The following GALNT13 variants were observed in gnomAD, a reference collection of about 807,000 sequenced individuals.
The protein encoded by GALNT13 is polypeptide N-acetylgalactosaminyltransferase 13, also known as UDP-GalNAc:polypeptide N-acetylgalactosaminyltransferase 13.
In GALNT13, 28 loss-of-function variants were observed where a neutral mutation model predicts 64.2. The observed-to-expected ratio is 0.44, with a 90% CI of 0.32 to 0.60. The LOEUF (loss-of-function observed/expected upper bound fraction) is 0.60, where lower values mean the gene tolerates loss of function less well. Ranked by LOEUF, GALNT13 falls within the 20% of genes least tolerant of loss-of-function variation. GALNT13 has a pLI of 0.05. For missense variants in GALNT13, 577 were observed against 669.8 expected, an observed-to-expected ratio of 0.86 and a Z score of 1.53; for synonymous variants, 214 against 224.6, an observed-to-expected ratio of 0.95 and a Z score of 0.42.
At chr2:153,436,471 G>T in the GALNT13 span, among the ~76,000 whole-genome samples, 20 of 152,178 alleles carry the variant, frequency 1.3e-4, no homozygotes, top group South Asian at 3.9e-3. Context: ...ACTTTTTTTG[G>T]TTGGTAAGCT....
the GALNT13 span, among the ~76,000 whole-genome samples, chr2:153,472,315 A>T: frequency 4.0e-4 from 61 of 152,298 alleles, no homozygotes; most frequent in East Asian, 4.8e-3. Context: ...AAATACCAAC[A>T]TGTAGGCTAT....
At chr2:154,122,869 C>T (rs918503961) in intron 3 of GALNT13, among the ~76,000 whole-genome samples, 1 of 151,104 alleles carries the variant, frequency 6.6e-6, no homozygotes, top group African/African-American at 2.4e-5. Context: ...TAAAAGTGTA[C>T]ATTTAGTCAC....
At chr2:153,988,335 C>T (rs62172821) in intron 3 of GALNT13, among the ~76,000 whole-genome samples, 31,017 of 151,864 alleles carry the variant, frequency 0.2, 4,088 homozygotes, top group Middle Eastern at 0.33. Context: ...CTGCTGCCAC[C>T]TGCCCAGCCG....
At chr2:153,948,974 C>A (rs1442422902) in intron 3 of GALNT13, among the ~76,000 whole-genome samples, 1 of 147,360 alleles carries the variant, frequency 6.8e-6, no homozygotes, top group Non-Finnish European at 1.5e-5. Flanking sequence ...CAAACCTGCA[C>A]ATGTGCCCCT....
intron 3 of GALNT13, among the ~76,000 whole-genome samples, chr2:153,949,732 G>T (rs1692030888): frequency 1.3e-5 from 2 of 152,116 alleles, no homozygotes; most frequent in South Asian, 4.1e-4. Flanking sequence ...TATATAATTG[G>T]AACAGAGAAG....
intron 3 of GALNT13, among the ~76,000 whole-genome samples, chr2:153,984,817 G>A (rs1319018697): frequency 6.6e-6 from 1 of 150,404 alleles, no homozygotes; most frequent in Non-Finnish European, 1.5e-5. Context: ...TTTCATTTTG[G>A]ATAGTTTTCA....
At chr2:153,963,044 T>G (rs1369724427) in intron 3 of GALNT13, among the ~76,000 whole-genome samples, 1 of 152,194 alleles carries the variant, frequency 6.6e-6, no homozygotes, top group Non-Finnish European at 1.5e-5. Flanking sequence ...GAAATTTATT[T>G]CTTACACGTT....
chr2:153,076,799 T>C, the GALNT13 span, among the ~76,000 whole-genome samples: 1 of 152,178 alleles, frequency 6.6e-6, no homozygotes, highest in African/African-American at 2.4e-5. Context: ...TTGTGTGTCT[T>C]TTTAAACATC....
the GALNT13 span, among the ~76,000 whole-genome samples, chr2:153,341,505 C>T: frequency 6.6e-6 from 1 of 152,218 alleles, no homozygotes; most frequent in Admixed American, 6.5e-5. Context: ...CTCCTTCTTA[C>T]AGCATATCAA....
the GALNT13 span, among the ~76,000 whole-genome samples, chr2:153,669,460 T>C: frequency 6.6e-6 from 1 of 152,210 alleles, no homozygotes; most frequent in African/African-American, 2.4e-5. Context: ...TGACACACAA[T>C]TTACCTATAA....
chr2:154,162,833 A>G (rs1684811996), intron 4 of GALNT13, among the ~76,000 whole-genome samples: 1 of 152,090 alleles, frequency 6.6e-6, no homozygotes, highest in African/African-American at 2.4e-5. Flanking sequence ...TTTTAAACAT[A>G]TGAATGTATT....
chr2:153,283,123 A>G, the GALNT13 span, among the ~76,000 whole-genome samples: 2 of 152,168 alleles, frequency 1.3e-5, no homozygotes, highest in African/African-American at 4.8e-5. Flanking sequence ...TCTGAGCTCC[A>G]TGCTCAGCCC....
At chr2:153,569,047 T>C in the GALNT13 span, among the ~76,000 whole-genome samples, 2 of 152,188 alleles carry the variant, frequency 1.3e-5, no homozygotes, top group South Asian at 2.1e-4. Context: ...TTCAGGACTA[T>C]TATAAATAGT....
intron 3 of GALNT13, among the ~76,000 whole-genome samples, chr2:153,968,778 T>A (rs1693546360): frequency 6.6e-6 from 1 of 152,224 alleles, no homozygotes; most frequent in South Asian, 2.1e-4. Flanking sequence ...GCTTTAAATA[T>A]CCTTGTTTGT....
At chr2:153,203,180 G>A in the GALNT13 span, among the ~76,000 whole-genome samples, 1 of 152,142 alleles carries the variant, frequency 6.6e-6, no homozygotes, top group East Asian at 1.9e-4. Flanking sequence ...TATTGTAGAT[G>A]GCACATTGCA....
chr2:153,844,246 C>A, the GALNT13 span, among the ~76,000 whole-genome samples: 3 of 152,226 alleles, frequency 2.0e-5, no homozygotes, highest in Admixed American at 2.0e-4. Flanking sequence ...AAAATCTAGG[C>A]AGAGGCCGTT....
At chr2:153,147,289 G>T in the GALNT13 span, among the ~76,000 whole-genome samples, 1 of 151,816 alleles carries the variant, frequency 6.6e-6, no homozygotes, top group Non-Finnish European at 1.5e-5. Flanking sequence ...GGCTAGAATT[G>T]TCTAGAAACT....
intron 1 of GALNT13, among the ~76,000 whole-genome samples, chr2:153,883,038 TTA>T (rs1192554571): frequency 1.4e-5 from 2 of 147,186 alleles, no homozygotes; most frequent in Non-Finnish European, 3.0e-5. Context: ...TATGTTATTT[TTA>T]TATATATATC....
At chr2:154,064,073 G>A (rs1398056963) in intron 3 of GALNT13, among the ~76,000 whole-genome samples, 1 of 152,188 alleles carries the variant, frequency 6.6e-6, no homozygotes, top group African/African-American at 2.4e-5. Flanking sequence ...GTGCTTGCAG[G>A]ATGGAGAGGC....
Sources: allele counts gnomAD v4.1 joint callset (sites outside exome capture counted in the v4.1 genomes callset), GRCh38; gene constraint gnomAD v4.1.1; transcripts MANE v1.5; gene names NCBI Gene and HGNC (gene_info 2026-07-23, HGNC 2026-07-21).